The following COL4A3 variants were observed in gnomAD, a reference collection of about 807,000 sequenced individuals.
The protein encoded by COL4A3 is collagen type IV alpha 3 chain.
Under a neutral mutation model 217.4 loss-of-function variants are expected in COL4A3, and 135 were observed. That is an observed-to-expected ratio of 0.62 (90% confidence interval 0.54 to 0.72). The LOEUF is 0.72. Ranked by LOEUF, COL4A3 falls within the 30% of genes least tolerant of loss-of-function variation. COL4A3 has a pLI of 0.00. For missense variants in COL4A3, 1,868 were observed against 2,119.9 expected, an observed-to-expected ratio of 0.88 and a Z score of 2.33; for synonymous variants, 690 against 736.3, an observed-to-expected ratio of 0.94 and a Z score of 1.02.
intron 1 of COL4A3, among the ~76,000 whole-genome samples, chr2:227,196,321 T>TC (rs1274048282): frequency 6.6e-6 from 1 of 151,308 alleles, no homozygotes; most frequent in African/African-American, 2.4e-5. Flanking sequence ...TATGTTTTTA[T>TC]CTTTTTTTTT....
intron 1 of COL4A3, chr2:227,237,766 A>G: frequency 2.0e-6 from 1 of 506,606 alleles, no homozygotes; most frequent in Non-Finnish European, 3.7e-6. Flanking sequence ...TTTCTCCCTT[A>G]TGCAACATGT....
rs1349672690 is a variant in COL4A3, at chr2:227,297,816, C to A, written c.3708C>A (p.Gly1236=). ...GTCTGCCCGGTGCAATTATCCCTGGCCAGACAGGAAATCGTGGTCCACCAG... is the reference window on the plus strand; with the variant it reads ...GTCTGCCCGGTGCAATTATCCCTGGACAGACAGGAAATCGTGGTCCACCAG... ...PPGLPGAIIP[G]QTGNRGPPGS... The change falls in exon 42 of 52, where the codon GGC becomes GGA. Residue 1236 remains glycine (G), a synonymous_variant. Transcript: ENST00000396578. The A allele has an allele frequency of 1.3e-6, 2 of 1,568,652 alleles. No homozygotes were observed. The highest frequency in any genetic ancestry group is 1.7e-6 in the Non-Finnish European group (2 of 1,156,032).
At chr2:227,225,106 A>G (rs910229175) in intron 1 of COL4A3, among the ~76,000 whole-genome samples, 4 of 152,060 alleles carry the variant, frequency 2.6e-5, no homozygotes, top group Admixed American at 2.0e-4. Context: ...GGGTCCCACT[A>G]TGTTGCCCCG....
chr2:227,244,511 C>A, intron 4 of COL4A3, 147 bp downstream of exon 4: 1 of 848,230 alleles, frequency 1.2e-6, no homozygotes, highest in South Asian at 1.5e-5. Context: ...TGGTAGATGT[C>A]AAAGGAGTGG....
chr2:227,278,125 C>CTT (rs34342727), intron 28 of COL4A3, among the ~76,000 whole-genome samples: 20,156 of 150,078 alleles, frequency 0.13, 1,325 homozygotes, highest in Non-Finnish European at 0.15. Context: ...GTATACATTT[C>CTT]TTTTTTTTTT....
chr2:227,216,203 A>G (rs1432098414), intron 1 of COL4A3, among the ~76,000 whole-genome samples: 1 of 152,236 alleles, frequency 6.6e-6, no homozygotes, highest in Non-Finnish European at 1.5e-5. Context: ...ACACTAAAAA[A>G]TGGTTAAGAA....
chr2:227,248,402 T>A lies in COL4A3; in HGVS notation c.469-41T>A, dbSNP rs1444774930. 4 of 1,279,816 alleles carry A rather than the reference T, an allele frequency of 3.1e-6. No homozygotes were observed. The Admixed American group carries it at 6.7e-5, about 21-fold the overall frequency. 79.3% of individuals were successfully genotyped at this position (1,279,816 alleles called of 1,614,324 possible). On this transcript the variant is annotated intron_variant, in intron 8 of 51. Transcript: ENST00000396578. ...TAAGCACTTGAAGGGGTTTTGAAAA[T>A]ATAACATTGATGATGTTTGATGAAC...
chr2:227,255,987 T>G, intron 15 of COL4A3, 39 bp from the exon 16 acceptor site: 1 of 1,601,094 alleles, frequency 6.2e-7, no homozygotes. Flanking sequence ...GTTAGCCATA[T>G]TTATTACATT....
At chr2:227,237,658 G>A in intron 1 of COL4A3, 1 of 271,710 alleles carries the variant, frequency 3.7e-6, no homozygotes, top group South Asian at 3.8e-5. Context: ...AAATTATTAG[G>A]TTGGTACAAA....
At position 227,266,993 on chromosome 2, in the gene COL4A3, G is replaced by A. The variant is rs2125982395; in HGVS notation, c.1409G>A (p.Gly470Glu). ...PGIPGVDGPK[G>E]EPGLLCTQCP... ...TAATGCTAGTATGCTCTCATTGCAG[G>A]AGAACCAGGCCTCCTGTGTACACAG... The change falls in exon 23 of 52, where the codon GGA becomes GAA. Residue 470 changes from glycine (G) to glutamate (E), a missense_variant and splice_region_variant. Physicochemically the swap from Gly to Glu is moderately conservative, Grantham distance 98 (BLOSUM62 -2). Coordinates refer to ENST00000396578, the MANE Select transcript of COL4A3 (RefSeq NM_000091.5). The A allele has an allele frequency of 1.2e-6, 2 of 1,611,764 alleles. No individual in the cohort carries two copies. Among genetic ancestry groups the A allele is most frequent in the Non-Finnish European group, 1.7e-6 (2 of 1,177,918 alleles).
intron 29 of COL4A3, 62 bp from the exon 30 acceptor site, chr2:227,280,378 G>C: frequency 6.3e-7 from 1 of 1,584,622 alleles, no homozygotes; most frequent in Admixed American, 1.7e-5. Context: ...CCATAACAGA[G>C]AGTCAATATC....
intron 3 of COL4A3, 146 bp from the exon 4 acceptor site, chr2:227,244,174 A>G: frequency 1.4e-6 from 1 of 708,806 alleles, no homozygotes; most frequent in Non-Finnish European, 2.5e-6. Flanking sequence ...CAATGAAATA[A>G]GCAAGCAATT....
In COL4A3 at chr2:227,229,836, C is replaced by G. The variant is rs562999246; in HGVS notation, c.88-8132C>G. On this transcript the variant is annotated intron_variant, in intron 1 of 51. Transcript: ENST00000396578. ...GGCCAAGGTGAGTGGATCACGAGGT[C>G]AGGAGATCGAGACCATCCTGGCTAA... Among the ~76,000 whole-genome samples the G allele has an allele frequency of 2.0e-5, 3 of 152,108 alleles. No homozygotes were observed. In the South Asian group the frequency reaches 6.2e-4, roughly 32 times the overall value.
intron 26 of COL4A3, among the ~76,000 whole-genome samples, chr2:227,275,859 T>A: frequency 6.6e-6 from 1 of 152,184 alleles, no homozygotes; most frequent in Non-Finnish European, 1.5e-5. Flanking sequence ...TCACCAACGT[T>A]TAAACTTAAT....
intron 25 of COL4A3, among the ~76,000 whole-genome samples, chr2:227,272,534 A>G (rs2071303155): frequency 6.6e-6 from 1 of 152,264 alleles, no homozygotes; most frequent in African/African-American, 2.4e-5. Context: ...GAAGTGGGAA[A>G]TCCCCTTTGT....
At chr2:227,188,461 A>G (rs373009243) in intron 1 of COL4A3, among the ~76,000 whole-genome samples, 15 of 151,786 alleles carry the variant, frequency 9.9e-5, no homozygotes, top group African/African-American at 3.6e-4. Context: ...GGCCACCGAG[A>G]GGGATATCCG....
At chr2:227,213,914 A>AAG (rs2067425229) in intron 1 of COL4A3, among the ~76,000 whole-genome samples, 1 of 146,172 alleles carries the variant, frequency 6.8e-6, no homozygotes, top group African/African-American at 2.6e-5. Flanking sequence ...AAAAAAAAAA[A>AAG]AAAAAGAAAA....
chr2:227,311,495 T>C (rs2073739708), intron 51 of COL4A3, among the ~76,000 whole-genome samples: 1 of 152,042 alleles, frequency 6.6e-6, no homozygotes, highest in African/African-American at 2.4e-5. Context: ...TTCTCCTGCC[T>C]CAGCCTCCCG....
At chr2:227,193,745 G>GA (rs1559809772) in intron 1 of COL4A3, among the ~76,000 whole-genome samples, 1 of 30,844 alleles carries the variant, frequency 3.2e-5, no homozygotes, top group Non-Finnish European at 7.1e-5. Context: ...GGGAGGGAGG[G>GA]AGGGAAGGAA....
Sources: allele counts gnomAD v4.1 joint callset (sites outside exome capture counted in the v4.1 genomes callset), GRCh38; gene constraint gnomAD v4.1.1; transcripts MANE v1.5; gene names NCBI Gene and HGNC (gene_info 2026-07-23, HGNC 2026-07-21).